Variants in PPP1R1C observed in about 807,000 individuals in gnomAD.
PPP1R1C encodes protein phosphatase 1 regulatory subunit 1C.
In PPP1R1C, 15 loss-of-function variants were observed where a neutral mutation model predicts 17.4. The ratio of observed to expected loss-of-function variants is 0.86; its 90% CI spans 0.58 to 1.33. The LOEUF (loss-of-function observed/expected upper bound fraction) is 1.33. Among genes scored for constraint, PPP1R1C ranks in the 40% most tolerant of loss-of-function variants. The pLI is 0.00. For missense variants in PPP1R1C, 143 were observed against 130.0 expected (o/e 1.10, Z -0.48); for synonymous variants, 35 against 43.1 (o/e 0.81, Z 0.73).
chr2:181,966,143 A>G (rs574357641), intron 1 of PPP1R1C, among the ~76,000 whole-genome samples: 51 of 152,170 alleles, frequency 3.4e-4, no homozygotes, highest in Admixed American at 1.3e-3. Context: ...ACTAATTTTT[A>G]TATGTTAATT....
chr2:182,062,796 TTGCTAATG>T (rs1466858770), intron 3 of PPP1R1C, among the ~76,000 whole-genome samples: 1 of 152,124 alleles, frequency 6.6e-6, no homozygotes, highest in Non-Finnish European at 1.5e-5. Flanking sequence ...CATTATGTTC[TTGCTAATG>T]TGCATAGCAA....
chr2:181,961,718 G>A lies in PPP1R1C; in HGVS notation n.111+7084G>A. The A allele has an allele frequency of 1.2e-6, 1 of 826,900 alleles. No individual in the cohort carries two copies. Among genetic ancestry groups the A allele is most frequent in the Non-Finnish European group, 2.1e-6 (1 of 478,634 alleles). 51.2% of individuals were successfully genotyped at this position (826,900 alleles called of 1,614,324 possible). ...TTCTTTCGAGTCAGCTCATCATATT[G>A]GGCCCGGATATCTGCTATGATCTTG... is the stretch of plus-strand genomic sequence containing the variant. On this transcript the variant is annotated intron_variant and non_coding_transcript_variant, in intron 1 of 5. Transcript: ENST00000464264. The surrounding 1 kb of genome is among the most constrained non-coding windows in gnomAD (Gnocchi z 5.8).
At chr2:181,981,249 C>T (rs1314458358), upstream of PPP1R1C, among the ~76,000 whole-genome samples, 1 of 152,196 alleles carries the variant, frequency 6.6e-6, no homozygotes, top group Non-Finnish European at 1.5e-5. Context: ...TTAAAGAACA[C>T]AGTAGGCACT....
At chr2:182,081,260 G>A (rs1341485687) in intron 4 of PPP1R1C, among the ~76,000 whole-genome samples, 2 of 152,102 alleles carry the variant, frequency 1.3e-5, no homozygotes, top group African/African-American at 2.4e-5. Flanking sequence ...ATACAAAAGG[G>A]GGTTAAAGGG....
At chr2:182,069,583 T>G (rs1688084308) in intron 4 of PPP1R1C, among the ~76,000 whole-genome samples, 1 of 152,184 alleles carries the variant, frequency 6.6e-6, no homozygotes, top group Admixed American at 6.5e-5. Context: ...GACCTTGAGA[T>G]AAATCAAATT....
At chr2:181,958,577 C>T (rs1424805267) in intron 1 of PPP1R1C, among the ~76,000 whole-genome samples, 1 of 152,154 alleles carries the variant, frequency 6.6e-6, no homozygotes, top group East Asian at 1.9e-4. Flanking sequence ...GGCAGTGGGT[C>T]CTTCTTCCTG....
At chr2:182,005,290 TG>T (rs1201860582) in intron 2 of PPP1R1C, among the ~76,000 whole-genome samples, 1 of 152,250 alleles carries the variant, frequency 6.6e-6, no homozygotes, top group Non-Finnish European at 1.5e-5. Flanking sequence ...TCATATCTAC[TG>T]ATCTGCTGAG....
intron 1 of PPP1R1C, among the ~76,000 whole-genome samples, chr2:181,987,608 C>T (rs1445058365): frequency 3.3e-5 from 5 of 152,076 alleles, no homozygotes; most frequent in East Asian, 1.9e-4. Context: ...ATTTCTTTTC[C>T]GTGGAAATGT....
chr2:182,121,973 G>A (rs1203257382), downstream of PPP1R1C, among the ~76,000 whole-genome samples: 2 of 152,126 alleles, frequency 1.3e-5, no homozygotes, highest in Non-Finnish European at 2.9e-5. Context: ...AATGTCATCA[G>A]TTCCTCCCAA....
At chr2:182,126,711 C>T (rs1689883415) in intron 5 of PPP1R1C, among the ~76,000 whole-genome samples, 1 of 151,962 alleles carries the variant, frequency 6.6e-6, no homozygotes, top group African/African-American at 2.4e-5. Flanking sequence ...TAGGTCTTTC[C>T]TTGACATTTA....
intron 4 of PPP1R1C, among the ~76,000 whole-genome samples, chr2:182,116,874 C>T (rs1689599736): frequency 1.3e-5 from 2 of 152,066 alleles, no homozygotes; most frequent in South Asian, 4.2e-4. Context: ...ATGCCAAAAG[C>T]AATATTTGAA....
At chr2:182,017,388 T>C (rs1287981943) in intron 2 of PPP1R1C, among the ~76,000 whole-genome samples, 3 of 152,116 alleles carry the variant, frequency 2.0e-5, no homozygotes, top group Admixed American at 6.5e-5. Flanking sequence ...CAGAATTTTT[T>C]AAATTCACTC....
At chr2:182,000,109 G>A (rs1685718161) in intron 2 of PPP1R1C, among the ~76,000 whole-genome samples, 1 of 152,158 alleles carries the variant, frequency 6.6e-6, no homozygotes. Flanking sequence ...TTTTGCACGA[G>A]TAAGCATAAT....
At chr2:182,124,453 T>C (rs1405689527) in intron 5 of PPP1R1C, among the ~76,000 whole-genome samples, 1 of 151,736 alleles carries the variant, frequency 6.6e-6, no homozygotes, top group Non-Finnish European at 1.5e-5. Flanking sequence ...GGGATCTTGA[T>C]GGGAATAGCA....
chr2:182,020,207 T>C (rs2125162323), intron 2 of PPP1R1C, among the ~76,000 whole-genome samples: 1 of 152,338 alleles, frequency 6.6e-6, no homozygotes, highest in Middle Eastern at 3.4e-3. Flanking sequence ...TATTTAAAAA[T>C]ATTCATACTG....
chr2:182,114,836 T>C lies in PPP1R1C; in HGVS notation c.242-2371T>C, dbSNP rs964597688. Among the ~76,000 whole-genome samples, 5 of 152,312 alleles carry C rather than the reference T, an allele frequency of 3.3e-5. No homozygotes were observed. The South Asian group carries it at 1.0e-3, about 32-fold the overall frequency. ...TTGAAAAAGGTTTGGCTTTTTCGTATAACTTTGTGACTATTATTATTATAA... is the reference window on the plus strand; with the variant it reads ...TTGAAAAAGGTTTGGCTTTTTCGTACAACTTTGTGACTATTATTATTATAA... On this transcript the variant is annotated intron_variant, in intron 4 of 4. Coordinates refer to ENST00000682840, the MANE Select transcript of PPP1R1C (RefSeq NM_001080545.3).
chr2:182,064,768 G>A (rs1266119001), intron 4 of PPP1R1C, among the ~76,000 whole-genome samples: 1 of 150,696 alleles, frequency 6.6e-6, no homozygotes, highest in Non-Finnish European at 1.5e-5. Flanking sequence ...TTTATTCCAG[G>A]GTAATTATTG....
At chr2:182,032,970 C>G (rs574784925) in intron 2 of PPP1R1C, among the ~76,000 whole-genome samples, 14 of 152,256 alleles carry the variant, frequency 9.2e-5, no homozygotes, top group African/African-American at 3.4e-4. Flanking sequence ...AATTCTTTAT[C>G]TTTTATTTCA....
intron 2 of PPP1R1C, among the ~76,000 whole-genome samples, chr2:182,007,417 T>C (rs1351257274): frequency 1.3e-5 from 2 of 152,194 alleles, no homozygotes; most frequent in Admixed American, 6.5e-5. Flanking sequence ...TAATATCCAA[T>C]TGAAATTCCA....
Sources: allele counts gnomAD v4.1 joint callset (sites outside exome capture counted in the v4.1 genomes callset), GRCh38; gene constraint gnomAD v4.1.1; non-coding constraint Gnocchi (gnomAD v3.1); transcripts MANE v1.5; gene names NCBI Gene and HGNC (gene_info 2026-07-23, HGNC 2026-07-21).